The following DOCK7 variants were observed in gnomAD, a reference collection of about 807,000 sequenced individuals.
DOCK7 encodes dedicator of cytokinesis 7, also known as dedicator of cytokinesis protein 7.
DOCK7 carries 138 observed loss-of-function variants against 271.0 expected under a neutral mutation model. The observed-to-expected ratio is 0.51, with a 90% CI of 0.44 to 0.59. DOCK7 has a LOEUF of 0.59. Ranked by LOEUF, DOCK7 falls within the 20% of genes least tolerant of loss-of-function variation. DOCK7 has a pLI of 0.00. For synonymous variants in DOCK7, 823 were observed against 876.1 expected (o/e 0.94, Z 1.07); for missense variants, 2,066 against 2,592.4 (o/e 0.80, Z 4.41).
chr1:62,473,584 T>TTC (rs1181103559), intron 48 of DOCK7, among the ~76,000 whole-genome samples: 2 of 151,576 alleles, frequency 1.3e-5, no homozygotes, highest in East Asian at 1.9e-4. Context: ...TTTTTTTGTT[T>TTC]TCTCTCTCTC....
chr1:62,548,130 CTG>C (rs1645772370), intron 22 of DOCK7, among the ~76,000 whole-genome samples: 1 of 151,366 alleles, frequency 6.6e-6, no homozygotes, highest in South Asian at 2.1e-4. Context: ...AGCTTACACT[CTG>C]TTAAAGGGAG....
intron 4 of DOCK7, among the ~76,000 whole-genome samples, chr1:62,651,486 C>G (rs1315319794): frequency 2.1e-5 from 3 of 140,536 alleles, no homozygotes; most frequent in African/African-American, 7.8e-5. Context: ...AAGTTTATCG[C>G]ATGGCTCGCA....
chr1:62,564,212 C>A (rs549679684), intron 18 of DOCK7, among the ~76,000 whole-genome samples: 10 of 152,100 alleles, frequency 6.6e-5, no homozygotes, highest in African/African-American at 2.4e-4. Context: ...CTGGACCAAG[C>A]GGACCTAATA....
intron 49 of DOCK7, among the ~76,000 whole-genome samples, chr1:62,457,226 CTTGTAGAATGA>C (rs1229839771): frequency 1.3e-5 from 2 of 152,084 alleles, no homozygotes; most frequent in Non-Finnish European, 2.9e-5. Context: ...AGTTATTTAC[CTTGTAGAATGA>C]TTATAGATGA....
intron 14 of DOCK7, among the ~76,000 whole-genome samples, chr1:62,589,713 T>C (rs913743402): frequency 1.3e-5 from 2 of 151,958 alleles, no homozygotes; most frequent in African/African-American, 4.8e-5. Context: ...TTTTCTGTCT[T>C]GTATCTGTAC....
At chr1:62,567,385 A>T (rs1212773659) in intron 18 of DOCK7, among the ~76,000 whole-genome samples, 1 of 152,224 alleles carries the variant, frequency 6.6e-6, no homozygotes, top group African/African-American at 2.4e-5. Context: ...GGATGAGTTC[A>T]TGTCCTTTGC....
intron 14 of DOCK7, chr1:62,598,925 C>T: frequency 1.4e-6 from 1 of 691,850 alleles, no homozygotes. Flanking sequence ...ATCAGCATAA[C>T]TGTTAAAATT....
At chr1:62,667,032 A>G (rs1489514549) in intron 1 of DOCK7, among the ~76,000 whole-genome samples, 1 of 152,210 alleles carries the variant, frequency 6.6e-6, no homozygotes, top group Non-Finnish European at 1.5e-5. Flanking sequence ...CAAAAGACCC[A>G]CATTCCGAGA....
At chr1:62,484,352 T>C (rs1306260608) in intron 43 of DOCK7, 1 of 152,152 alleles carries the variant, frequency 6.6e-6, no homozygotes, top group Non-Finnish European at 1.5e-5. Flanking sequence ...AAGAAATATG[T>C]TGTGATCTTT....
intron 48 of DOCK7, among the ~76,000 whole-genome samples, chr1:62,468,520 T>G (rs1427465176): frequency 6.6e-6 from 1 of 152,066 alleles, no homozygotes; most frequent in Non-Finnish European, 1.5e-5. Flanking sequence ...GGATGTCCAC[T>G]CTTACCACTT....
rs765400205 is a variant in DOCK7 at position 62,475,761 on chromosome 1, C to T, written c.5907G>A (p.Thr1969=). The T allele has an allele frequency of 1.5e-5, 24 of 1,613,894 alleles. No homozygotes were observed. The highest frequency in any genetic ancestry group is 1.1e-4 in the East Asian group (5 of 44,874). Residue 1969 remains threonine, a synonymous_variant, in exon 46 of 50, where the codon ACG becomes ACA. Transcript: ENST00000635253. ...TTTTAATATAAGGAAAGGCATGAGA[C>T]GTAGTCAGAATGGTCTTCCTTTTGA... ...EQFKRKTILT[T]SHAFPYIKTR... is the part of the protein sequence containing the mutation.
chr1:62,570,812 T>C (rs1435719457), intron 18 of DOCK7, among the ~76,000 whole-genome samples: 2 of 152,176 alleles, frequency 1.3e-5, no homozygotes, highest in Non-Finnish European at 2.9e-5. Context: ...GGTGAAGGAT[T>C]CCCTATTTAA....
At chr1:62,668,404 A>G (rs1659557249) in intron 1 of DOCK7, among the ~76,000 whole-genome samples, 1 of 152,228 alleles carries the variant, frequency 6.6e-6, no homozygotes, top group South Asian at 2.1e-4. Flanking sequence ...TATGGTTACT[A>G]CTGGATCCTG....
chr1:62,602,454 G>GTA, intron 14 of DOCK7: 1 of 1,328,872 alleles, frequency 7.5e-7, no homozygotes, highest in South Asian at 1.2e-5. Flanking sequence ...TTATGGACCA[G>GTA]GTATTAGGAA....
At chr1:62,600,974 A>G (rs1650028927) in intron 14 of DOCK7, 1 of 720,344 alleles carries the variant, frequency 1.4e-6, no homozygotes, top group Non-Finnish European at 2.5e-6. Context: ...ACACCGTTAT[A>G]ACATTATGAA....
At chr1:62,607,478 TGTC>T (rs1296900396) in intron 14 of DOCK7, among the ~76,000 whole-genome samples, 2 of 152,212 alleles carry the variant, frequency 1.3e-5, no homozygotes, top group Non-Finnish European at 2.9e-5. Flanking sequence ...CCCCAAAGAC[TGTC>T]TTTAACTTCA....
rs145033410 is a variant in DOCK7, at chr1:62,523,099, A to C, written c.3936+5052T>G. ...TTGTGTTCAAAAATTACGAGATTCA[A>C]TAGTATAATCATAATTCAATACAAT... On this transcript the variant is annotated intron_variant, in intron 31 of 49. Coordinates refer to ENST00000635253, the MANE Select transcript of DOCK7 (RefSeq NM_001367561.1). Among the ~76,000 whole-genome samples the C allele has an allele frequency of 1.0e-3, 152 of 152,320 alleles. 5 individuals are homozygous for C. The East Asian group carries it at 0.025, about 25-fold the overall frequency.
chr1:62,535,425 G>T, intron 29 of DOCK7, 68 bp downstream of exon 29: 1 of 1,351,760 alleles, frequency 7.4e-7, no homozygotes. Flanking sequence ...GGAAATGTGA[G>T]TGGAATACTT....
At chr1:62,517,109 C>G (rs887404567) in intron 31 of DOCK7, among the ~76,000 whole-genome samples, 43 of 152,096 alleles carry the variant, frequency 2.8e-4, no homozygotes, top group Admixed American at 2.5e-3. Context: ...GTATTTGATT[C>G]TCTAAATATC....
Sources: gnomAD v4.1 joint callset for allele counts (sites outside exome capture counted in the v4.1 genomes callset) on GRCh38, gnomAD v4.1.1 for gene constraint, MANE v1.5 for transcripts, NCBI Gene and HGNC (gene_info 2026-07-23, HGNC 2026-07-21) for gene names.